The following RGS6 variants were observed in gnomAD, a reference collection of about 807,000 sequenced individuals.
The protein encoded by RGS6 is regulator of G-protein signaling 6.
RGS6 carries 30 observed loss-of-function variants against 78.5 expected under a neutral mutation model. The ratio of observed to expected loss-of-function variants is 0.38; its 90% CI spans 0.29 to 0.52. RGS6 has a LOEUF of 0.52. Among genes scored for constraint, RGS6 ranks in the 20% least tolerant of loss-of-function variants. RGS6 has a pLI of 0.85. For missense variants in RGS6, 495 were observed against 609.7 expected (o/e 0.81, Z 1.98); for synonymous variants, 206 against 206.0 (o/e 1.00, Z 0.00).
At chr14:72,367,757 C>G (rs546555373) in intron 3 of RGS6, among the ~76,000 whole-genome samples, 1 of 152,136 alleles carries the variant, frequency 6.6e-6, no homozygotes, top group Non-Finnish European at 1.5e-5. Context: ...CTTGGCAATA[C>G]AGTTTGGAGT....
intron 3 of RGS6, among the ~76,000 whole-genome samples, chr14:72,428,734 G>A (rs8018108): frequency 0.69 from 104,335 of 152,168 alleles, 36,189 homozygotes; most frequent in East Asian, 0.97. Flanking sequence ...TAGAAGGCCC[G>A]GTGGGTACAA....
At chr14:72,357,438 A>G (rs1032789557) in intron 3 of RGS6, among the ~76,000 whole-genome samples, 13 of 152,196 alleles carry the variant, frequency 8.5e-5, no homozygotes, top group Admixed American at 3.9e-4. Flanking sequence ...AGAACTTCCT[A>G]GAGACCTGTT....
At chr14:72,458,524 C>G in intron 5 of RGS6, 147 bp downstream of exon 5, 2 of 628,232 alleles carry the variant, frequency 3.2e-6, no homozygotes, top group South Asian at 4.0e-5. Flanking sequence ...GAACTTTTCT[C>G]TGGGCCACTG....
chr14:72,497,350 A>G (rs1334311026), intron 13 of RGS6, among the ~76,000 whole-genome samples: 1 of 152,178 alleles, frequency 6.6e-6, no homozygotes, highest in African/African-American at 2.4e-5. Flanking sequence ...TCACATGTTT[A>G]TTAGACAGAT....
intron 2 of RGS6, among the ~76,000 whole-genome samples, chr14:72,348,892 C>T (rs927784499): frequency 3.9e-5 from 6 of 152,192 alleles, no homozygotes; most frequent in Non-Finnish European, 5.9e-5. Context: ...TATGGCCGGG[C>T]GTGGTGGCTC....
intron 2 of RGS6, among the ~76,000 whole-genome samples, chr14:72,003,266 A>G (rs963938113): frequency 6.6e-6 from 1 of 152,172 alleles, no homozygotes; most frequent in African/African-American, 2.4e-5. Context: ...TTCACATACT[A>G]TACAATCCAC....
At chr14:71,990,750 A>C (rs1225933807) in intron 2 of RGS6, 1 of 455,852 alleles carries the variant, frequency 2.2e-6, no homozygotes, top group Non-Finnish European at 4.4e-6. Context: ...CCAAATTGCT[A>C]TCCTCTCTCC....
chr14:72,396,239 A>C (rs1443610958), intron 3 of RGS6, among the ~76,000 whole-genome samples: 1 of 152,132 alleles, frequency 6.6e-6, no homozygotes, highest in Non-Finnish European at 1.5e-5. Context: ...CTGGTGTGAG[A>C]TGGATGGTAT....
chr14:72,198,251 G>A (rs887714027), intron 2 of RGS6, among the ~76,000 whole-genome samples: 9 of 152,162 alleles, frequency 5.9e-5, no homozygotes, highest in African/African-American at 2.2e-4. Context: ...TACTCAGGAG[G>A]CTGAAGTGGG....
intron 2 of RGS6, among the ~76,000 whole-genome samples, chr14:72,090,486 C>T (rs1478782710): frequency 6.6e-6 from 1 of 152,152 alleles, no homozygotes; most frequent in East Asian, 1.9e-4. Context: ...GAATCTAATG[C>T]CTGGTGGTCT....
intron 2 of RGS6, among the ~76,000 whole-genome samples, chr14:72,133,275 A>G (rs2096366891): frequency 6.6e-6 from 1 of 151,196 alleles, no homozygotes; most frequent in South Asian, 2.1e-4. Flanking sequence ...CACATTCCCA[A>G]TTCCTTCAAT....
At chr14:72,114,073 G>A (rs549657346) in intron 2 of RGS6, among the ~76,000 whole-genome samples, 1 of 152,284 alleles carries the variant, frequency 6.6e-6, no homozygotes, top group South Asian at 2.1e-4. Flanking sequence ...TCTGAGGACT[G>A]TTGCTTCTGA....
rs33976138 is a variant in RGS6 at position 72,477,488 on chromosome 14, G to GA, written c.792+658dup. ...GATGGGTAAGAGGTAATGGATATATGAAAAAAAAAAGCTATTTGGCGGGGC... is the reference window on the plus strand; with the variant it reads ...GATGGGTAAGAGGTAATGGATATATGAAAAAAAAAAAGCTATTTGGCGGGGC... On this transcript the variant is annotated intron_variant, in intron 11 of 17. Coordinates refer to ENST00000553525, the MANE Select transcript of RGS6 (RefSeq NM_001204424.2). 3.7e-4 allele frequency among the ~76,000 whole-genome samples: 55 copies of GA among 149,496 alleles called. 1 individual carries two copies. Among genetic ancestry groups the GA allele is most frequent in the African/African-American group, 8.8e-4 (36 of 40,750 alleles).
At chr14:72,312,821 A>G (rs935335530) in intron 2 of RGS6, among the ~76,000 whole-genome samples, 1 of 152,210 alleles carries the variant, frequency 6.6e-6, no homozygotes, top group Non-Finnish European at 1.5e-5. Flanking sequence ...GGGTGTTACC[A>G]TCAAATCCCT....
At chr14:72,326,673 C>T (rs895876763) in intron 2 of RGS6, among the ~76,000 whole-genome samples, 3 of 152,154 alleles carry the variant, frequency 2.0e-5, no homozygotes, top group Non-Finnish European at 2.9e-5. Context: ...CCAGTTAAAC[C>T]TCTTTTCTTA....
At chr14:72,367,797 G>T (rs1310190888) in intron 3 of RGS6, among the ~76,000 whole-genome samples, 13 of 152,156 alleles carry the variant, frequency 8.5e-5, no homozygotes, top group Non-Finnish European at 1.2e-4. Flanking sequence ...TGTGACCTGG[G>T]TTGGTCACTG....
At chr14:72,625,173 T>C in the RGS6 span, among the ~76,000 whole-genome samples, 4 of 152,240 alleles carry the variant, frequency 2.6e-5, no homozygotes, top group African/African-American at 9.6e-5. Context: ...CTTATAACCA[T>C]AACTGTGAAG....
chr14:72,579,310 C>T, the RGS6 span, among the ~76,000 whole-genome samples: 2 of 152,240 alleles, frequency 1.3e-5, no homozygotes, highest in Non-Finnish European at 1.5e-5. Context: ...CTGGCCATCA[C>T]TGTCATGTGC....
intron 3 of RGS6, among the ~76,000 whole-genome samples, chr14:72,355,424 A>G (rs1030756333): frequency 2.0e-5 from 3 of 151,990 alleles, no homozygotes; most frequent in Non-Finnish European, 4.4e-5. Context: ...CGAACTCTTG[A>G]CCTTAGGTGA....
Sources: allele counts gnomAD v4.1 joint callset (sites outside exome capture counted in the v4.1 genomes callset), GRCh38; gene constraint gnomAD v4.1.1; transcripts MANE v1.5; gene names NCBI Gene and HGNC (gene_info 2026-07-23, HGNC 2026-07-21).